The following ZBTB20 variants were observed in gnomAD, a reference collection of about 807,000 sequenced individuals.
The protein encoded by ZBTB20 is zinc finger and BTB domain-containing protein 20.
In ZBTB20, 9 loss-of-function variants were observed where a neutral mutation model predicts 56.9. The observed-to-expected ratio is 0.16, with a 90% confidence interval of 0.10 to 0.28. The LOEUF is 0.28. Ranked by LOEUF, ZBTB20 falls within the 10% of genes least tolerant of loss-of-function variation. ZBTB20 has a pLI of 1.00. For synonymous variants in ZBTB20, 417 were observed against 420.7 expected (o/e 0.99, Z 0.11); for missense variants, 655 against 1,003.0 (o/e 0.65, Z 4.69).
chr3:114,409,094 C>T (rs1181931458), intron 7 of ZBTB20, among the ~76,000 whole-genome samples: 4 of 132,226 alleles, frequency 3.0e-5, no homozygotes, highest in African/African-American at 1.1e-4. Flanking sequence ...TGCTTTTATT[C>T]AAATCTTCTA....
At chr3:114,458,651 T>C (rs1225684152) in intron 7 of ZBTB20, among the ~76,000 whole-genome samples, 2 of 151,948 alleles carry the variant, frequency 1.3e-5, no homozygotes, top group Non-Finnish European at 2.9e-5. Flanking sequence ...GACTAAGTCC[T>C]GAGTGGTAGA....
At chr3:114,604,520 T>C (rs2056997384) in intron 6 of ZBTB20, among the ~76,000 whole-genome samples, 1 of 151,884 alleles carries the variant, frequency 6.6e-6, no homozygotes, top group Non-Finnish European at 1.5e-5. Context: ...ATATGTAAAA[T>C]ATATTTAAAC....
At chr3:114,966,676 T>C (rs1182622665) in intron 3 of ZBTB20, among the ~76,000 whole-genome samples, 1 of 151,976 alleles carries the variant, frequency 6.6e-6, no homozygotes, top group Non-Finnish European at 1.5e-5. Flanking sequence ...GTATAGGAAG[T>C]ACAAAACATA....
At chr3:114,757,676 A>G (rs184956311) in intron 5 of ZBTB20, among the ~76,000 whole-genome samples, 1 of 152,256 alleles carries the variant, frequency 6.6e-6, no homozygotes, top group Admixed American at 6.6e-5. Context: ...TATATTTTCT[A>G]AACTTTCTTA....
chr3:114,400,411 T>A (rs759783386), intron 7 of ZBTB20, among the ~76,000 whole-genome samples: 6 of 152,158 alleles, frequency 3.9e-5, no homozygotes, highest in Non-Finnish European at 8.8e-5. Flanking sequence ...TGAATCAATG[T>A]TGTCTGGAAG....
intron 4 of ZBTB20, among the ~76,000 whole-genome samples, chr3:114,808,691 T>C (rs1179626520): frequency 1.3e-5 from 2 of 152,040 alleles, no homozygotes; most frequent in Non-Finnish European, 2.9e-5. Context: ...TCTGTTCTTA[T>C]CTTTGTTATA....
At chr3:115,095,233 A>G (rs932203393) in intron 1 of ZBTB20, among the ~76,000 whole-genome samples, 2 of 152,176 alleles carry the variant, frequency 1.3e-5, no homozygotes, top group African/African-American at 4.8e-5. Flanking sequence ...TAGATGAATC[A>G]ATGAACTCAT....
intron 6 of ZBTB20, among the ~76,000 whole-genome samples, chr3:114,504,445 G>A (rs1243236050): frequency 6.6e-6 from 1 of 152,160 alleles, no homozygotes; most frequent in African/African-American, 2.4e-5. Context: ...CTGTCTTCCT[G>A]GAGGGTCAGT....
At chr3:114,401,579 T>C (rs1211708435) in intron 7 of ZBTB20, among the ~76,000 whole-genome samples, 3 of 152,178 alleles carry the variant, frequency 2.0e-5, no homozygotes, top group Non-Finnish European at 4.4e-5. Context: ...TGTTCCACCA[T>C]GCAGACTATG....
At chr3:114,568,721 T>C (rs1309537519) in intron 6 of ZBTB20, among the ~76,000 whole-genome samples, 4 of 152,206 alleles carry the variant, frequency 2.6e-5, no homozygotes, top group African/African-American at 9.7e-5. Flanking sequence ...AGAGTATAAA[T>C]ATAAGCTGTT....
chr3:115,098,818 A>C (rs2083473162), intron 1 of ZBTB20, among the ~76,000 whole-genome samples: 1 of 152,168 alleles, frequency 6.6e-6, no homozygotes, highest in Admixed American at 6.5e-5. Context: ...TTGTGTTGTC[A>C]GAGAAGCCTA....
At chr3:114,801,504 T>C (rs2071719828) in intron 4 of ZBTB20, among the ~76,000 whole-genome samples, 1 of 150,392 alleles carries the variant, frequency 6.6e-6, no homozygotes, top group East Asian at 1.9e-4. Flanking sequence ...ATATTCTGAT[T>C]AAAAAAAAAC....
chr3:114,345,580 C>T (rs778637553), intron 11 of ZBTB20, among the ~76,000 whole-genome samples: 4 of 152,192 alleles, frequency 2.6e-5, no homozygotes, highest in Non-Finnish European at 4.4e-5. Context: ...CAACCTGATG[C>T]CATTCTTCTA....
intron 6 of ZBTB20, among the ~76,000 whole-genome samples, chr3:114,509,686 AT>A (rs1012518651): frequency 6.6e-6 from 1 of 152,176 alleles, no homozygotes; most frequent in African/African-American, 2.4e-5. Flanking sequence ...AGTCAGAGTA[AT>A]TTAGGCAGAA....
At position 114,918,440 on chromosome 3, in the gene ZBTB20, C is replaced by T. The variant is rs2075830610; in HGVS notation, c.-455-18098G>A. On this transcript the variant is annotated intron_variant, in intron 3 of 11. Coordinates refer to ENST00000675478, the MANE Select transcript of ZBTB20 (RefSeq NM_001348800.3). ...TTTCTCAAGCAGAAGTAGTCTCTCC[C>T]TGTAGCCACCACAGCTGGGAATGTT... is the stretch of plus-strand genomic sequence containing the variant. Among the ~76,000 whole-genome samples, 3 of 151,950 alleles carry T rather than the reference C, an allele frequency of 2.0e-5. No individual in the cohort carries two copies. The South Asian group carries it at 6.2e-4, about 31-fold the overall frequency.
chr3:114,630,842 TG>T (rs1330049240), intron 6 of ZBTB20, among the ~76,000 whole-genome samples: 1 of 152,146 alleles, frequency 6.6e-6, no homozygotes, highest in Non-Finnish European at 1.5e-5. Context: ...GGTAATACAT[TG>T]GTAACTGGCA....
chr3:114,845,378 C>T (rs966814512), intron 4 of ZBTB20, among the ~76,000 whole-genome samples: 8 of 148,342 alleles, frequency 5.4e-5, no homozygotes, highest in African/African-American at 2.0e-4. Context: ...TACAAGGACC[C>T]AAATTTATTA....
At chr3:114,834,313 C>T (rs1385120876) in intron 4 of ZBTB20, among the ~76,000 whole-genome samples, 1 of 152,090 alleles carries the variant, frequency 6.6e-6, no homozygotes, top group African/African-American at 2.4e-5. Flanking sequence ...AAACTTATGA[C>T]AAAACCAGAG....
At position 114,323,299 on chromosome 3, in the gene ZBTB20, T is replaced by G. The variant is rs551229856; in HGVS notation, c.*15706A>C. 1 of 152,250 alleles carries G rather than the reference T, an allele frequency of 6.6e-6. No homozygotes were observed. The highest frequency in any genetic ancestry group is 1.5e-5 in the Non-Finnish European group (1 of 68,054). 9.4% of individuals were successfully genotyped at this position (152,250 alleles called of 1,614,324 possible). On this transcript the variant is annotated 3_prime_UTR_variant, in exon 12 of 12. Transcript: ENST00000675478. ...GGAGCAGCTAGTATGTTCTAATCCA[T>G]CCTCCAATGTCCAAGTTGGCCTAGC...
Sources: allele counts gnomAD v4.1 joint callset (sites outside exome capture counted in the v4.1 genomes callset), GRCh38; gene constraint gnomAD v4.1.1; transcripts MANE v1.5; gene names NCBI Gene and HGNC (gene_info 2026-07-23, HGNC 2026-07-21).